CMTM8: variants seen among roughly 807,000 people sequenced by gnomAD.
CMTM8 encodes CKLF like MARVEL transmembrane domain containing 8.
Under a neutral mutation model 18.6 loss-of-function variants are expected in CMTM8, and 12 were observed. The ratio of observed to expected loss-of-function variants is 0.65; its 90% CI spans 0.41 to 1.05. The LOEUF (loss-of-function observed/expected upper bound fraction) is 1.05. Ranked by LOEUF, CMTM8 falls within the 50% of genes least tolerant of loss-of-function variation. CMTM8 has a pLI of 0.00. For missense variants in CMTM8, 217 were observed against 227.2 expected (o/e 0.95, Z 0.29); for synonymous variants, 87 against 90.6 (o/e 0.96, Z 0.23).
intron 1 of CMTM8, among the ~76,000 whole-genome samples, chr3:32,281,862 A>G (rs1702614732): frequency 6.6e-6 from 1 of 151,536 alleles, no homozygotes; most frequent in African/African-American, 2.4e-5. Context: ...CTTGGCTTCA[A>G]AGGTCACTGT....
At chr3:32,369,301 C>T (rs1695597357) in intron 3 of CMTM8, among the ~76,000 whole-genome samples, 1 of 152,016 alleles carries the variant, frequency 6.6e-6, no homozygotes, top group Non-Finnish European at 1.5e-5. Context: ...GCAACAAGAG[C>T]GAAACTCCGT....
At chr3:32,286,963 C>T (rs961132747) in intron 1 of CMTM8, among the ~76,000 whole-genome samples, 5 of 152,206 alleles carry the variant, frequency 3.3e-5, no homozygotes, top group African/African-American at 4.8e-5. Context: ...GATAGCCTCT[C>T]GGCTCTGAGC....
intron 1 of CMTM8, among the ~76,000 whole-genome samples, chr3:32,272,912 C>G (rs1454003530): frequency 3.3e-5 from 5 of 152,080 alleles, no homozygotes; most frequent in Non-Finnish European, 4.4e-5. Context: ...CTCCCACCAC[C>G]CTGTACCTAG....
chr3:32,313,985 C>A (rs1178743562), intron 1 of CMTM8, among the ~76,000 whole-genome samples: 1 of 152,038 alleles, frequency 6.6e-6, no homozygotes, highest in African/African-American at 2.4e-5. Flanking sequence ...CAGAGCGAGA[C>A]CCTGTCTCAG....
rs139671844 is a variant in CMTM8 at position 32,338,242 on chromosome 3, A to G, written c.148-19131A>G. Among the ~76,000 whole-genome samples, 32 of 152,122 alleles carry G rather than the reference A, an allele frequency of 2.1e-4. No homozygotes were observed. The East Asian group carries it at 5.4e-3, about 26-fold the overall frequency. ...TGTGATCTGCCCGCCTCGGCCTCCT[A>G]AAGTGCTGGGATTACAGGTGTAAGC... On this transcript the variant is annotated intron_variant, in intron 1 of 3. Transcript: ENST00000307526.
At chr3:32,306,903 A>C (rs143739572) in intron 1 of CMTM8, among the ~76,000 whole-genome samples, 1 of 152,174 alleles carries the variant, frequency 6.6e-6, no homozygotes, top group Non-Finnish European at 1.5e-5. Flanking sequence ...AATCTGAATT[A>C]AGGTCATAAA....
chr3:32,270,662 T>C (rs986131957), intron 1 of CMTM8, among the ~76,000 whole-genome samples: 1 of 152,064 alleles, frequency 6.6e-6, no homozygotes, highest in Admixed American at 6.6e-5. Context: ...TAGGTGGGAA[T>C]TGAACAGTGA....
At chr3:32,365,494 G>A (rs1461677461) in intron 2 of CMTM8, among the ~76,000 whole-genome samples, 1 of 152,104 alleles carries the variant, frequency 6.6e-6, no homozygotes, top group Non-Finnish European at 1.5e-5. Flanking sequence ...CACCCAGGCT[G>A]GAGTGCAGTG....
intron 1 of CMTM8, among the ~76,000 whole-genome samples, chr3:32,257,896 C>A (rs1702194964): frequency 6.6e-6 from 1 of 151,924 alleles, no homozygotes; most frequent in Non-Finnish European, 1.5e-5. Flanking sequence ...GGTGGTTTTT[C>A]AGAGGAAAGG....
At chr3:32,333,155 T>C (rs1194376910) in intron 1 of CMTM8, among the ~76,000 whole-genome samples, 1 of 152,196 alleles carries the variant, frequency 6.6e-6, no homozygotes, top group East Asian at 1.9e-4. Flanking sequence ...TGCAAATGAG[T>C]GAGCATGGCT....
chr3:32,337,237 C>A (rs578221482), intron 1 of CMTM8, among the ~76,000 whole-genome samples: 25 of 152,282 alleles, frequency 1.6e-4, no homozygotes, highest in African/African-American at 5.8e-4. Flanking sequence ...GGGACACATT[C>A]AAACCACAGT....
At position 32,259,173 on chromosome 3, in the gene CMTM8, G is replaced by A. The variant is rs9878621; in HGVS notation, c.147+20054G>A. Reference sequence around the variant, plus strand: ...GGACGGCCAGGGGTCTGGCAGAAATGGGAGGCATCCAGAGCGGGAAGGAGA... The same window carrying A: ...GGACGGCCAGGGGTCTGGCAGAAATAGGAGGCATCCAGAGCGGGAAGGAGA... On this transcript the variant is annotated intron_variant, in intron 1 of 3. Coordinates refer to ENST00000307526, the MANE Select transcript of CMTM8 (RefSeq NM_178868.5). 1,231 of 457,962 alleles carry A rather than the reference G, an allele frequency of 2.7e-3. 11 individuals carry two copies. The highest frequency in any genetic ancestry group is 0.023 in the African/African-American group (1,147 of 49,930). 28.4% of individuals were successfully genotyped at this position (457,962 alleles called of 1,614,324 possible).
At chr3:32,270,100 TG>T (rs1239893477) in intron 1 of CMTM8, among the ~76,000 whole-genome samples, 6 of 151,412 alleles carry the variant, frequency 4.0e-5, no homozygotes, top group African/African-American at 1.2e-4. Flanking sequence ...AAAATTTTTT[TG>T]TGTGGAGATA....
intron 1 of CMTM8, among the ~76,000 whole-genome samples, chr3:32,255,768 AGGAT>A (rs1702167660): frequency 6.6e-6 from 1 of 152,142 alleles, no homozygotes; most frequent in Non-Finnish European, 1.5e-5. Context: ...CATGCCACCC[AGGAT>A]GGAGTGCAGT....
Position 32,315,789 on chromosome 3 carries a change from G to A in CMTM8, c.148-41584G>A, listed in dbSNP as rs145690995. Among the ~76,000 whole-genome samples the A allele has an allele frequency of 7.2e-5, 11 of 152,210 alleles. No homozygotes were observed. The East Asian group carries it at 2.1e-3, about 29-fold the overall frequency. On this transcript the variant is annotated intron_variant, in intron 1 of 3. Coordinates refer to ENST00000307526, the MANE Select transcript of CMTM8 (RefSeq NM_178868.5). ...TATGGAGCAGATGGCATATTTTTTG[G>A]TGGCTTATGTAGTATTAAATACTAA... is the stretch of plus-strand genomic sequence containing the variant.
chr3:32,366,647 C>T (rs988357784), intron 2 of CMTM8, among the ~76,000 whole-genome samples: 4 of 152,152 alleles, frequency 2.6e-5, no homozygotes, highest in Non-Finnish European at 4.4e-5. Context: ...AGTGGCAAGA[C>T]AAGACTAAAT....
intron 2 of CMTM8, among the ~76,000 whole-genome samples, chr3:32,359,252 C>T (rs1374826762): frequency 1.3e-5 from 2 of 152,170 alleles, no homozygotes; most frequent in Non-Finnish European, 2.9e-5. Flanking sequence ...TTGAGAGAAG[C>T]CATAGGCAAT....
chr3:32,286,201 G>A (rs971645878), intron 1 of CMTM8, among the ~76,000 whole-genome samples: 5 of 152,142 alleles, frequency 3.3e-5, no homozygotes, highest in Non-Finnish European at 4.4e-5. Flanking sequence ...GAGACAATCG[G>A]TACATGAATG....
At chr3:32,266,836 A>G (rs1702353573) in intron 1 of CMTM8, among the ~76,000 whole-genome samples, 1 of 152,224 alleles carries the variant, frequency 6.6e-6, no homozygotes, top group South Asian at 2.1e-4. Context: ...ATCATGAGTG[A>G]ACTCCCATTC....
Sources: allele counts gnomAD v4.1 joint callset (sites outside exome capture counted in the v4.1 genomes callset), GRCh38; gene constraint gnomAD v4.1.1; transcripts MANE v1.5; gene names NCBI Gene and HGNC (gene_info 2026-07-23, HGNC 2026-07-21).